CDH18: variants seen among roughly 807,000 people sequenced by gnomAD.
CDH18 encodes cadherin-18.
A neutral mutation model predicts 67.9 loss-of-function variants in CDH18; 31 were observed. The observed-to-expected ratio is 0.46, with a 90% CI of 0.34 to 0.62. The LOEUF (loss-of-function observed/expected upper bound fraction) is 0.62, where lower values mean the gene tolerates loss of function less well. Among genes scored for constraint, CDH18 ranks in the 20% least tolerant of loss-of-function variants. The pLI is 0.01. For missense variants in CDH18, 890 were observed against 975.5 expected, an observed-to-expected ratio of 0.91 and a Z score of 1.17; for synonymous variants, 362 against 347.2, an observed-to-expected ratio of 1.04 and a Z score of -0.48.
chr5:19,708,516 A>G (rs1202344991), intron 5 of CDH18, among the ~76,000 whole-genome samples: 5 of 152,178 alleles, frequency 3.3e-5, no homozygotes, highest in African/African-American at 9.7e-5. Flanking sequence ...AAAACTGGCC[A>G]TAAACAAAAT....
chr5:19,907,207 C>T (rs1419101151), intron 2 of CDH18, among the ~76,000 whole-genome samples: 1 of 151,814 alleles, frequency 6.6e-6, no homozygotes, highest in East Asian at 1.9e-4. Flanking sequence ...TTCAGAAATG[C>T]TGTCTATCAA....
intron 2 of CDH18, among the ~76,000 whole-genome samples, chr5:20,098,651 C>G (rs997080654): frequency 1.3e-5 from 2 of 151,962 alleles, no homozygotes; most frequent in Non-Finnish European, 2.9e-5. Context: ...TTTTCCTTGA[C>G]TATTTTATTA....
At chr5:20,136,164 A>G (rs1749698130) in intron 2 of CDH18, among the ~76,000 whole-genome samples, 1 of 152,206 alleles carries the variant, frequency 6.6e-6, no homozygotes, top group African/African-American at 2.4e-5. Context: ...TTTCTGTCTC[A>G]TTGATCTGTC....
chr5:19,823,140 T>C (rs1171754116), intron 3 of CDH18, among the ~76,000 whole-genome samples: 1 of 152,216 alleles, frequency 6.6e-6, no homozygotes, highest in Non-Finnish European at 1.5e-5. Flanking sequence ...TGTTAACCTG[T>C]TCTTTTTTCA....
intron 1 of CDH18, among the ~76,000 whole-genome samples, chr5:20,446,023 A>T (rs997197301): frequency 6.6e-6 from 1 of 152,102 alleles, no homozygotes; most frequent in Admixed American, 6.6e-5. Flanking sequence ...ATTGAAGTTT[A>T]TGGTTACAGA....
intron 5 of CDH18, among the ~76,000 whole-genome samples, chr5:19,637,486 A>G (rs1303294161): frequency 2.0e-5 from 3 of 152,058 alleles, no homozygotes; most frequent in Admixed American, 6.6e-5. Flanking sequence ...CAAATATTCT[A>G]TCTTTGGCCA....
At chr5:19,862,430 A>G (rs1338338976) in intron 2 of CDH18, among the ~76,000 whole-genome samples, 1 of 152,182 alleles carries the variant, frequency 6.6e-6, no homozygotes, top group Non-Finnish European at 1.5e-5. Context: ...TGTCAAGTTG[A>G]GCAGCGGTCT....
chr5:19,568,807 G>C (rs954327037), intron 8 of CDH18, among the ~76,000 whole-genome samples: 5 of 151,714 alleles, frequency 3.3e-5, no homozygotes, highest in African/African-American at 1.2e-4. Flanking sequence ...ATACCACACA[G>C]TCGAAGGTAA....
chr5:20,155,679 T>C (rs1301442091), intron 2 of CDH18, among the ~76,000 whole-genome samples: 1 of 152,178 alleles, frequency 6.6e-6, no homozygotes, highest in East Asian at 1.9e-4. Context: ...TTTTCCTAGG[T>C]TTCCTTCTAG....
At chr5:19,822,698 C>G (rs1780001836) in intron 3 of CDH18, among the ~76,000 whole-genome samples, 1 of 152,082 alleles carries the variant, frequency 6.6e-6, no homozygotes. Context: ...TATCACAAGG[C>G]AAATGGAGGC....
At chr5:19,651,907 T>C (rs1302310709) in intron 5 of CDH18, among the ~76,000 whole-genome samples, 1 of 152,070 alleles carries the variant, frequency 6.6e-6, no homozygotes, top group Non-Finnish European at 1.5e-5. Context: ...AGCAGTTTCC[T>C]CATTTAGAAA....
chr5:19,518,126 C>T (rs1561250346), intron 10 of CDH18, among the ~76,000 whole-genome samples: 1 of 151,642 alleles, frequency 6.6e-6, no homozygotes, highest in Non-Finnish European at 1.5e-5. Context: ...AAAGTATTTA[C>T]TGGTTTTGAA....
At chr5:20,273,385 C>T (rs1462519693) in intron 1 of CDH18, among the ~76,000 whole-genome samples, 1 of 151,838 alleles carries the variant, frequency 6.6e-6, no homozygotes, top group African/African-American at 2.4e-5. Flanking sequence ...AATACATATA[C>T]TTATGAGGGC....
chr5:20,101,179 C>A (rs1182605893), intron 2 of CDH18, among the ~76,000 whole-genome samples: 1 of 151,768 alleles, frequency 6.6e-6, no homozygotes, highest in Admixed American at 6.6e-5. Flanking sequence ...CCAGGTTAGT[C>A]TGGAATTTCT....
At chr5:19,726,351 C>T (rs1440693615) in intron 4 of CDH18, among the ~76,000 whole-genome samples, 2 of 152,180 alleles carry the variant, frequency 1.3e-5, no homozygotes, top group Non-Finnish European at 2.9e-5. Context: ...CATTTCTGCA[C>T]AGGAAGTCTC....
chr5:20,265,846 G>C (rs1744992667), intron 1 of CDH18, among the ~76,000 whole-genome samples: 1 of 152,188 alleles, frequency 6.6e-6, no homozygotes. Flanking sequence ...TTATTTCTGG[G>C]TGTGTCAGTG....
chr5:20,370,282 AT>A (rs1742874638), intron 1 of CDH18, among the ~76,000 whole-genome samples: 1 of 152,132 alleles, frequency 6.6e-6, no homozygotes, highest in Non-Finnish European at 1.5e-5. Context: ...ATCATCATAT[AT>A]AACAAGTCAT....
At chr5:19,829,021 C>G (rs1189462061) in intron 3 of CDH18, among the ~76,000 whole-genome samples, 1 of 152,024 alleles carries the variant, frequency 6.6e-6, no homozygotes, top group Admixed American at 6.6e-5. Context: ...CTAGGTGACA[C>G]AGTAAGACTC....
At chr5:19,501,246 T>TAA (rs1249409964) in intron 11 of CDH18, among the ~76,000 whole-genome samples, 1 of 144,966 alleles carries the variant, frequency 6.9e-6, no homozygotes, top group Non-Finnish European at 1.5e-5. Context: ...TATATATATA[T>TAA]AATTTTAATT....
Sources: allele counts gnomAD v4.1 joint callset (sites outside exome capture counted in the v4.1 genomes callset), GRCh38; gene constraint gnomAD v4.1.1; transcripts MANE v1.5; gene names NCBI Gene and HGNC (gene_info 2026-07-23, HGNC 2026-07-21).